The following LGR5 variants were observed in gnomAD, a reference collection of about 807,000 sequenced individuals.
LGR5 encodes the protein leucine-rich repeat-containing G protein-coupled receptor 5.
In LGR5, 54 loss-of-function variants were observed where a neutral mutation model predicts 76.7. The ratio of observed to expected loss-of-function variants is 0.70; its 90% CI spans 0.57 to 0.88. The LOEUF is 0.88. Ranked by LOEUF, LGR5 falls within the 40% of genes least tolerant of loss-of-function variation. The pLI, the probability that LGR5 is intolerant of heterozygous loss-of-function variation, is 0.00. For synonymous variants in LGR5, 406 were observed against 421.9 expected (o/e 0.96, Z 0.46); for missense variants, 1,078 against 1,073.3 (o/e 1.00, Z -0.06).
chr12:71,541,226 A>G (rs762363590), intron 4 of LGR5, among the ~76,000 whole-genome samples: 23 of 152,182 alleles, frequency 1.5e-4, no homozygotes, highest in Admixed American at 3.9e-4. Flanking sequence ...AAGAAGAGAG[A>G]GCTAAAATTG....
At chr12:71,565,333 G>C (rs1878285133) in intron 8 of LGR5, among the ~76,000 whole-genome samples, 1 of 151,060 alleles carries the variant, frequency 6.6e-6, no homozygotes, top group African/African-American at 2.5e-5. Context: ...GCTTGCCAAG[G>C]TGTCTGAGCC....
chr12:71,573,400 A>T (rs562856298), intron 13 of LGR5, among the ~76,000 whole-genome samples: 1 of 152,230 alleles, frequency 6.6e-6, no homozygotes, highest in Non-Finnish European at 1.5e-5. Flanking sequence ...GGGACTGGGA[A>T]TCTGCATTTT....
chr12:71,544,706 G>A (rs1374524413), intron 4 of LGR5, among the ~76,000 whole-genome samples: 9 of 151,906 alleles, frequency 5.9e-5, no homozygotes, highest in South Asian at 2.1e-4. Flanking sequence ...ACTGATTCCA[G>A]GGCAATAAAA....
intron 2 of LGR5, among the ~76,000 whole-genome samples, chr12:71,521,696 G>A (rs1437427189): frequency 1.3e-5 from 2 of 152,148 alleles, no homozygotes; most frequent in African/African-American, 4.8e-5. Flanking sequence ...TTCTACAAGG[G>A]GAGAATGGAT....
At chr12:71,519,160 C>A (rs1386278901) in intron 2 of LGR5, among the ~76,000 whole-genome samples, 1 of 152,122 alleles carries the variant, frequency 6.6e-6, no homozygotes, top group African/African-American at 2.4e-5. Flanking sequence ...GCCATGCTCG[C>A]CTCCTTGCAG....
chr12:71,493,102 G>A lies in LGR5; in HGVS notation c.213-11512G>A, dbSNP rs982602730. The stretch of plus-strand genomic sequence containing the variant: ...CAGAATGTTTAACAAATCTAGCCTT[G>A]TAATCAGAAACTAATTTATTTCTTT... On this transcript the variant is annotated intron_variant, in intron 1 of 17. Transcript: ENST00000266674. Among the ~76,000 whole-genome samples, 6 of 151,362 alleles carry A rather than the reference G, an allele frequency of 4.0e-5. 1 individual carries two copies. The highest frequency in any genetic ancestry group is 1.2e-4 in the African/African-American group (5 of 40,638).
At position 71,585,879 on chromosome 12, in the gene LGR5, T is replaced by A. The variant is rs1030632741; in HGVS notation, c.*1145T>A. 1 of 152,242 alleles carries A rather than the reference T, an allele frequency of 6.6e-6. No individual in the cohort carries two copies. Among genetic ancestry groups the A allele is most frequent in the Non-Finnish European group, 1.5e-5 (1 of 68,040 alleles). 9.4% of individuals were successfully genotyped at this position (152,242 alleles called of 1,614,324 possible). A position where few individuals can be genotyped will look rare whatever the true frequency, so the allele number is the denominator to read the frequency against. On this transcript the variant is annotated 3_prime_UTR_variant, in exon 18 of 18. Coordinates refer to ENST00000266674, the MANE Select transcript of LGR5 (RefSeq NM_003667.4). ...CATATTAATACTGTGTTAGGTATTT[T>A]AAGAAGCAAGTTATTAAATAAGAAA...
intron 2 of LGR5, among the ~76,000 whole-genome samples, chr12:71,512,805 G>A (rs1236554975): frequency 2.6e-5 from 4 of 152,220 alleles, no homozygotes; most frequent in Admixed American, 1.3e-4. Flanking sequence ...TAAGTGCAAG[G>A]AGGCAGCAGG....
intron 3 of LGR5, among the ~76,000 whole-genome samples, chr12:71,528,224 G>A (rs571064547): frequency 6.6e-6 from 1 of 152,236 alleles, no homozygotes; most frequent in South Asian, 2.1e-4. Flanking sequence ...TTGGGAGGCA[G>A]AGGTGACTGA....
chr12:71,551,281 G>A (rs1301442283), intron 4 of LGR5, among the ~76,000 whole-genome samples: 5 of 152,226 alleles, frequency 3.3e-5, no homozygotes, highest in African/African-American at 1.2e-4. Flanking sequence ...GTGGCCAAAA[G>A]TGAGGAAGCT....
At chr12:71,447,926 G>A (rs1029250500) in intron 1 of LGR5, among the ~76,000 whole-genome samples, 3 of 152,180 alleles carry the variant, frequency 2.0e-5, no homozygotes, top group East Asian at 1.9e-4. Flanking sequence ...CCTGCCAGGC[G>A]AAATTAAGCT....
chr12:71,546,354 C>T (rs1490176004), intron 4 of LGR5, among the ~76,000 whole-genome samples: 3 of 151,452 alleles, frequency 2.0e-5, no homozygotes, highest in African/African-American at 7.3e-5. Flanking sequence ...TGCCTGTTAC[C>T]TTCTAGCTCT....
chr12:71,491,861 G>A (rs1444453854), intron 1 of LGR5, among the ~76,000 whole-genome samples: 3 of 149,428 alleles, frequency 2.0e-5, no homozygotes, highest in Non-Finnish European at 3.0e-5. Flanking sequence ...AGGAAATTTT[G>A]GAATTATAAT....
At chr12:71,573,913 TA>T (rs3070200) in intron 13 of LGR5, among the ~76,000 whole-genome samples, 13 of 147,476 alleles carry the variant, frequency 8.8e-5, no homozygotes, top group African/African-American at 3.2e-4. Flanking sequence ...TGCTTTTACT[TA>T]AAAAAAAAAA....
chr12:71,529,696 C>T (rs1876203061), intron 3 of LGR5, among the ~76,000 whole-genome samples: 3 of 152,074 alleles, frequency 2.0e-5, no homozygotes, highest in South Asian at 4.1e-4. Flanking sequence ...TGGCTCACAC[C>T]TCTAATCCCA....
At chr12:71,531,958 A>C (rs1454681549) in intron 3 of LGR5, among the ~76,000 whole-genome samples, 1 of 152,100 alleles carries the variant, frequency 6.6e-6, no homozygotes, top group East Asian at 1.9e-4. Flanking sequence ...GTTCGCAACT[A>C]TTCAATGACA....
rs1879293345 is a variant in LGR5 at position 71,585,779 on chromosome 12, T to C, written c.*1045T>C. 1 of 152,238 alleles carries C rather than the reference T, an allele frequency of 6.6e-6. No homozygotes were observed. 9.4% of individuals were successfully genotyped at this position (152,238 alleles called of 1,614,324 possible). A position where few individuals can be genotyped will look rare whatever the true frequency, so the allele number is the denominator to read the frequency against. On this transcript the variant is annotated 3_prime_UTR_variant, in exon 18 of 18. Transcript: ENST00000266674. ...AGACTCAGTAACGTATTATCCTGTT[T>C]ATTTAGCTTGGTTTTAGCTGTGTTC...
chr12:71,526,918 G>A (rs1312839675), intron 3 of LGR5, among the ~76,000 whole-genome samples: 2 of 152,174 alleles, frequency 1.3e-5, no homozygotes, highest in Admixed American at 6.5e-5. Flanking sequence ...AAGGACCTGG[G>A]ATGAACAGGT....
chr12:71,577,056 C>T (rs1376084534), intron 13 of LGR5, among the ~76,000 whole-genome samples: 1 of 152,162 alleles, frequency 6.6e-6, no homozygotes, highest in African/African-American at 2.4e-5. Context: ...TGTAAATATT[C>T]TGTGAATACC....
Sources: allele counts gnomAD v4.1 joint callset (sites outside exome capture counted in the v4.1 genomes callset), GRCh38; gene constraint gnomAD v4.1.1; transcripts MANE v1.5; gene names NCBI Gene and HGNC (gene_info 2026-07-23, HGNC 2026-07-21).